Variants in PTPRZ1 observed in about 807,000 individuals in gnomAD.
The protein encoded by PTPRZ1 is protein tyrosine phosphatase receptor type Z1, also known as receptor-type tyrosine-protein phosphatase zeta.
In PTPRZ1, 82 loss-of-function variants were observed where a neutral mutation model predicts 214.1. The ratio of observed to expected loss-of-function variants is 0.38; its 90% confidence interval spans 0.32 to 0.46. The LOEUF is 0.46. Ranked by LOEUF, PTPRZ1 falls within the 20% of genes least tolerant of loss-of-function variation. PTPRZ1 has a pLI of 1.00. For missense variants in PTPRZ1, 2,603 were observed against 2,748.7 expected (o/e 0.95, Z 1.19); for synonymous variants, 945 against 987.9 (o/e 0.96, Z 0.81).
rs374299191 is a variant in PTPRZ1 at position 121,957,020 on chromosome 7, T to C, written c.125-10931T>C. Among the ~76,000 whole-genome samples the C allele has an allele frequency of 4.9e-4, 75 of 152,362 alleles. No individual in the cohort carries two copies. In the South Asian group the frequency reaches 7.2e-3, roughly 15 times the overall value. ...AAAACTTGATAAAAATATTTCAAAC[T>C]GTACGGTCACCAGTGCACAGTTATC... On this transcript the variant is annotated intron_variant, in intron 2 of 29. Coordinates refer to ENST00000393386, the MANE Select transcript of PTPRZ1 (RefSeq NM_002851.3).
chr7:121,878,455 G>A (rs186032262), intron 1 of PTPRZ1, among the ~76,000 whole-genome samples: 68 of 152,306 alleles, frequency 4.5e-4, no homozygotes, highest in Admixed American at 2.7e-3. Flanking sequence ...AAGTGTTCGT[G>A]CATGTGAGTT....
intron 2 of PTPRZ1, among the ~76,000 whole-genome samples, chr7:121,953,308 C>T (rs1796613043): frequency 6.6e-6 from 1 of 152,152 alleles, no homozygotes; most frequent in Non-Finnish European, 1.5e-5. Flanking sequence ...TAATTTTCCT[C>T]AAATGATATC....
chr7:121,897,122 T>A (rs902947162), intron 1 of PTPRZ1, among the ~76,000 whole-genome samples: 1 of 152,202 alleles, frequency 6.6e-6, no homozygotes, highest in Non-Finnish European at 1.5e-5. Context: ...TCTCATATAA[T>A]CTTTATAATG....
intron 14 of PTPRZ1, among the ~76,000 whole-genome samples, chr7:122,029,505 A>G (rs1038800377): frequency 1.6e-4 from 25 of 151,978 alleles, no homozygotes; most frequent in African/African-American, 6.0e-4. Flanking sequence ...GATCTGGGAA[A>G]TAGAGGACAA....
chr7:122,031,727 T>C, intron 15 of PTPRZ1, 168 bp downstream of exon 15: 1 of 405,836 alleles, frequency 2.5e-6, no homozygotes, highest in Non-Finnish European at 4.4e-6. Flanking sequence ...ATAGTTACTA[T>C]ATAATTTAGA....
At chr7:122,022,131 T>A (rs1799035418) in intron 13 of PTPRZ1, among the ~76,000 whole-genome samples, 1 of 152,202 alleles carries the variant, frequency 6.6e-6, no homozygotes, top group Non-Finnish European at 1.5e-5. Context: ...AATGAAGTCC[T>A]TAAGAATTTT....
intron 1 of PTPRZ1, among the ~76,000 whole-genome samples, chr7:121,909,864 T>C (rs1030527636): frequency 6.6e-6 from 1 of 152,178 alleles, no homozygotes; most frequent in Non-Finnish European, 1.5e-5. Flanking sequence ...TGTGGGACAC[T>C]GGACTGGAGA....
intron 13 of PTPRZ1, among the ~76,000 whole-genome samples, chr7:122,026,014 T>C (rs879344939): frequency 2.0e-5 from 3 of 152,132 alleles, no homozygotes; most frequent in Admixed American, 1.3e-4. Flanking sequence ...GTAAAATATA[T>C]AACTAGAATA....
At chr7:121,972,989 A>G (rs1797305564) in intron 4 of PTPRZ1, among the ~76,000 whole-genome samples, 1 of 152,200 alleles carries the variant, frequency 6.6e-6, no homozygotes, top group Admixed American at 6.5e-5. Flanking sequence ...CCTTTGATTT[A>G]AATCTTTTGA....
intron 2 of PTPRZ1, among the ~76,000 whole-genome samples, chr7:121,942,011 A>T (rs906579872): frequency 6.6e-6 from 1 of 152,232 alleles, no homozygotes; most frequent in African/African-American, 2.4e-5. Flanking sequence ...CTCACTTTGC[A>T]TTCGTTTCAC....
intron 1 of PTPRZ1, among the ~76,000 whole-genome samples, chr7:121,897,653 T>C (rs1794829437): frequency 6.6e-6 from 1 of 152,168 alleles, no homozygotes; most frequent in Non-Finnish European, 1.5e-5. Flanking sequence ...CTTTCTCCAC[T>C]AAGAGGGAAA....
chr7:121,904,548 T>G (rs2116278857), intron 1 of PTPRZ1, among the ~76,000 whole-genome samples: 1 of 152,348 alleles, frequency 6.6e-6, no homozygotes, highest in South Asian at 2.1e-4. Flanking sequence ...ATTTTTGATC[T>G]TTTTTGTTTT....
intron 3 of PTPRZ1, among the ~76,000 whole-genome samples, chr7:121,970,446 C>A (rs2116521337): frequency 6.6e-6 from 1 of 152,310 alleles, no homozygotes; most frequent in South Asian, 2.1e-4. Context: ...TATTTCTCCA[C>A]ATCCTCTCCA....
chr7:122,036,851 A>C (rs1449642623), intron 18 of PTPRZ1, among the ~76,000 whole-genome samples, 169 bp downstream of exon 18: 2 of 152,216 alleles, frequency 1.3e-5, no homozygotes, highest in Non-Finnish European at 2.9e-5. Context: ...ATGACTAAAA[A>C]TTTTCATATT....
chr7:122,031,346 A>G, intron 14 of PTPRZ1, 128 bp from the exon 15 acceptor site: 2 of 665,562 alleles, frequency 3.0e-6, no homozygotes, highest in Non-Finnish European at 5.2e-6. Context: ...TTGCTTAACA[A>G]TTGAATGCTG....
intron 4 of PTPRZ1, 141 bp from the exon 5 acceptor site, chr7:121,976,032 G>A (rs1428513932): frequency 2.0e-6 from 1 of 501,138 alleles, no homozygotes; most frequent in African/African-American, 1.9e-5. Flanking sequence ...CTTCCTTATT[G>A]AAGGATGGTA....
At chr7:121,935,527 T>C (rs969456128) in intron 2 of PTPRZ1, among the ~76,000 whole-genome samples, 1 of 146,172 alleles carries the variant, frequency 6.8e-6, no homozygotes, top group African/African-American at 2.6e-5. Flanking sequence ...GTTTTTGTTT[T>C]TGTTTTTTGG....
intron 1 of PTPRZ1, among the ~76,000 whole-genome samples, chr7:121,900,854 G>C (rs937664312): frequency 1.3e-5 from 2 of 152,160 alleles, no homozygotes; most frequent in African/African-American, 2.4e-5. Context: ...TAATAAGTAT[G>C]ATGACCACTG....
At chr7:121,895,321 T>C (rs1794755559) in intron 1 of PTPRZ1, among the ~76,000 whole-genome samples, 1 of 152,202 alleles carries the variant, frequency 6.6e-6, no homozygotes, top group South Asian at 2.1e-4. Context: ...ATCATACTTA[T>C]TTCTCTTTTT....
Sources: gnomAD v4.1 joint callset for allele counts (sites outside exome capture counted in the v4.1 genomes callset) on GRCh38, gnomAD v4.1.1 for gene constraint, MANE v1.5 for transcripts, NCBI Gene and HGNC (gene_info 2026-07-23, HGNC 2026-07-21) for gene names.